The following SLCO2A1 variants were observed in gnomAD, a reference collection of about 807,000 sequenced individuals.
SLCO2A1 encodes the protein solute carrier organic anion transporter family member 2A1, also known as matrin F/G 1.
A neutral mutation model predicts 71.7 loss-of-function variants in SLCO2A1; 60 were observed. The observed-to-expected ratio is 0.84, with a 90% confidence interval of 0.68 to 1.04. The LOEUF is 1.04. Among genes scored for constraint, SLCO2A1 ranks in the 50% least tolerant of loss-of-function variants. SLCO2A1 has a pLI of 0.00. For synonymous variants in SLCO2A1, 308 were observed against 326.7 expected (o/e 0.94, Z 0.62); for missense variants, 745 against 813.4 (o/e 0.92, Z 1.02).
At chr3:133,954,799 A>G (rs963986519) in intron 4 of SLCO2A1, among the ~76,000 whole-genome samples, 167 bp downstream of exon 4, 1 of 152,130 alleles carries the variant, frequency 6.6e-6, no homozygotes, top group African/African-American at 2.4e-5. Flanking sequence ...CTGGGAGGTA[A>G]TGGAGCTGAC....
intron 3 of SLCO2A1, among the ~76,000 whole-genome samples, chr3:133,965,375 G>A (rs1368538086): frequency 6.6e-6 from 1 of 152,222 alleles, no homozygotes; most frequent in Non-Finnish European, 1.5e-5. Flanking sequence ...CCGTGGGCCA[G>A]CGTCACCCAG....
chr3:133,934,776 G>A lies in SLCO2A1; in HGVS notation c.1869C>T (p.Phe623=). The A allele has an allele frequency of 6.2e-7, 1 of 1,613,244 alleles. No individual in the cohort carries two copies. Among genetic ancestry groups the A allele is most frequent in the Non-Finnish European group, 8.5e-7 (1 of 1,179,994 alleles). Residue 623 remains phenylalanine (F), a synonymous_variant, in exon 14 of 14, where the codon TTC becomes TTT. Coordinates refer to ENST00000310926, the MANE Select transcript of SLCO2A1 (RefSeq NM_005630.3). ...YKALGMLLLC[F]ISWRVKKNKE... ...TGTTCTTCTTCACCCTCCAGCTGAT[G>A]AAGCAAAGCAGCAGCATGCCCAGCG...
intron 3 of SLCO2A1, among the ~76,000 whole-genome samples, chr3:133,960,837 T>TC (rs1413207347): frequency 1.3e-5 from 2 of 152,050 alleles, no homozygotes; most frequent in Admixed American, 1.3e-4. Flanking sequence ...GGAGAAGGTT[T>TC]CTGGAGAAAG....
chr3:133,962,360 G>A (rs1363983300), intron 3 of SLCO2A1, among the ~76,000 whole-genome samples: 4 of 152,100 alleles, frequency 2.6e-5, no homozygotes, highest in Admixed American at 6.5e-5. Flanking sequence ...GATTATAGGC[G>A]TGAGCCACTG....
chr3:134,000,651 C>T (rs1303314602), intron 1 of SLCO2A1, among the ~76,000 whole-genome samples: 1 of 152,062 alleles, frequency 6.6e-6, no homozygotes, highest in East Asian at 1.9e-4. Context: ...AACCTCACAC[C>T]CTGGAAGAAA....
At chr3:133,998,480 C>T (rs1363226387) in intron 1 of SLCO2A1, among the ~76,000 whole-genome samples, 1 of 151,078 alleles carries the variant, frequency 6.6e-6, no homozygotes, top group Non-Finnish European at 1.5e-5. Flanking sequence ...TTCTCATTCC[C>T]AGGCGCTCCT....
At chr3:133,969,157 C>T (rs550493345) in intron 3 of SLCO2A1, among the ~76,000 whole-genome samples, 5 of 152,260 alleles carry the variant, frequency 3.3e-5, no homozygotes, top group African/African-American at 9.6e-5. Flanking sequence ...GCAGGTCAGG[C>T]GCAGTGGCTC....
intron 3 of SLCO2A1, among the ~76,000 whole-genome samples, chr3:133,956,387 C>T (rs1933898873): frequency 6.6e-6 from 1 of 152,222 alleles, no homozygotes; most frequent in Non-Finnish European, 1.5e-5. Flanking sequence ...CTCGTCCAGC[C>T]TGGCCCCACT....
chr3:133,958,799 G>A (rs28728117), intron 3 of SLCO2A1, among the ~76,000 whole-genome samples: 12,970 of 152,250 alleles, frequency 0.085, 1,763 homozygotes, highest in African/African-American at 0.29. Flanking sequence ...TGAAGATTCA[G>A]ACAAATCTTG....
At chr3:133,985,509 A>T (rs1256779865) in intron 1 of SLCO2A1, among the ~76,000 whole-genome samples, 1 of 152,214 alleles carries the variant, frequency 6.6e-6, no homozygotes. Context: ...GATGAATTAC[A>T]CGGGCTGCAT....
chr3:133,986,450 C>T (rs779606189), intron 1 of SLCO2A1, among the ~76,000 whole-genome samples: 2 of 152,152 alleles, frequency 1.3e-5, no homozygotes, highest in Non-Finnish European at 2.9e-5. Flanking sequence ...ACTTGAGACA[C>T]ATCTTATAGA....
In SLCO2A1 at chr3:133,948,955, G is replaced by A. The variant is rs1933661491; in HGVS notation, c.878C>T (p.Ala293Val). 2.5e-6 allele frequency: 4 copies of A among 1,614,114 alleles called. No homozygotes were observed. Among genetic ancestry groups the A allele is most frequent in the Non-Finnish European group, 3.4e-6 (4 of 1,179,966 alleles). The change falls in exon 7 of 14, where the codon GCA becomes GTA. Residue 293 changes from alanine (A) to valine (V), a missense_variant. Physicochemically the swap from Ala to Val is moderately conservative, Grantham distance 64. Coordinates refer to ENST00000310926, the MANE Select transcript of SLCO2A1 (RefSeq NM_005630.3). Reference protein sequence around the residue: ...PIGAKRAPATADEARKLEEAK... With the variant: ...PIGAKRAPATVDEARKLEEAK... ...CTCCTCCAACTTCCTTGCTTCATCT[G>A]CTGTGGCAGGAGCCCTCTGAAGGCA...
intron 11 of SLCO2A1, among the ~76,000 whole-genome samples, chr3:133,939,868 G>A (rs545363088): frequency 5.9e-5 from 9 of 151,524 alleles, no homozygotes; most frequent in Admixed American, 2.0e-4. Context: ...CTCCTTCCAC[G>A]TTTTCAGCTA....
At chr3:133,961,061 G>A (rs1267800058) in intron 3 of SLCO2A1, among the ~76,000 whole-genome samples, 2 of 152,026 alleles carry the variant, frequency 1.3e-5, no homozygotes. Flanking sequence ...ATGATGGGAA[G>A]GGGCCTGGAT....
At position 133,935,517 on chromosome 3, in the gene SLCO2A1, G is replaced by A. The variant is rs73861259; in HGVS notation, c.1814+257C>T. On this transcript the variant is annotated intron_variant, in intron 13 of 13. Coordinates refer to ENST00000310926, the MANE Select transcript of SLCO2A1 (RefSeq NM_005630.3). ...TGCTGCCCCTTCCAAAGGCTTTCGG[G>A]TCAGGGAAGTCCCTGGGTCTGCTGC... is the stretch of plus-strand genomic sequence containing the variant. 7.5e-3 allele frequency among the ~76,000 whole-genome samples: 1,136 copies of A among 152,246 alleles called. 21 individuals are homozygous for A. The highest frequency in any genetic ancestry group is 0.026 in the African/African-American group (1,082 of 41,530).
chr3:133,963,564 T>G (rs1224164001), intron 3 of SLCO2A1, among the ~76,000 whole-genome samples: 2 of 152,222 alleles, frequency 1.3e-5, no homozygotes, highest in Non-Finnish European at 2.9e-5. Context: ...CTCCTTCAAG[T>G]CATGGCTCTT....
At chr3:133,938,329 G>C (rs900595421) in intron 12 of SLCO2A1, 100 bp downstream of exon 12, 27 of 1,011,710 alleles carry the variant, frequency 2.7e-5, no homozygotes, top group Non-Finnish European at 3.3e-5. Flanking sequence ...TCGCCATGGA[G>C]ATGAGATGGT....
chr3:134,010,479 C>T (rs561427827), intron 1 of SLCO2A1, among the ~76,000 whole-genome samples: 93 of 152,022 alleles, frequency 6.1e-4, no homozygotes, highest in Admixed American at 6.5e-4. Flanking sequence ...CTCGGCCGGG[C>T]GCGGTGGCTC....
chr3:133,994,250 A>C (rs911297153), intron 1 of SLCO2A1, among the ~76,000 whole-genome samples: 1 of 152,240 alleles, frequency 6.6e-6, no homozygotes. Context: ...TGAGAGGTAC[A>C]TGTGATCCCT....
Sources: gnomAD v4.1 joint callset for allele counts (sites outside exome capture counted in the v4.1 genomes callset) on GRCh38, gnomAD v4.1.1 for gene constraint, MANE v1.5 for transcripts, NCBI Gene and HGNC (gene_info 2026-07-23, HGNC 2026-07-21) for gene names.